The following POLN variants were observed in gnomAD, a reference collection of about 807,000 sequenced individuals.
POLN encodes the protein DNA polymerase nu.
A neutral mutation model predicts 113.5 loss-of-function variants in POLN; 108 were observed. The ratio of observed to expected loss-of-function variants is 0.95; its 90% confidence interval spans 0.81 to 1.12. POLN has a LOEUF of 1.12. POLN is among the 50% of genes most tolerant of loss of function. The pLI, the probability that POLN is intolerant of heterozygous loss-of-function variation, is 0.00. For missense variants in POLN, 1,097 were observed against 1,077.1 expected (o/e 1.02, Z -0.26); for synonymous variants, 386 against 391.5 (o/e 0.99, Z 0.17).
chr4:2,182,014 A>T (rs1733155502), intron 7 of POLN, among the ~76,000 whole-genome samples: 2 of 151,998 alleles, frequency 1.3e-5, no homozygotes, highest in Non-Finnish European at 2.9e-5. Flanking sequence ...AAAAAAAAAA[A>T]GATGACTTTA....
chr4:2,073,530 G>C (rs1381156787), intron 24 of POLN, among the ~76,000 whole-genome samples: 1 of 152,206 alleles, frequency 6.6e-6, no homozygotes, highest in African/African-American at 2.4e-5. Context: ...GGCAACAGTG[G>C]CTTTGTGCCA....
chr4:2,176,393 C>A (rs754925845), intron 8 of POLN, 59 bp from the exon 9 acceptor site: 13 of 1,268,514 alleles, frequency 1.0e-5, no homozygotes, highest in Admixed American at 4.7e-5. Flanking sequence ...GTGCTCACCA[C>A]AGTCTGTAAC....
chr4:2,208,605 A>C, intron 4 of POLN, 118 bp from the exon 5 acceptor site: 2 of 803,144 alleles, frequency 2.5e-6, no homozygotes, highest in Non-Finnish European at 3.7e-6. Context: ...TCTTCATATT[A>C]CCTATGATCA....
intron 3 of POLN, among the ~76,000 whole-genome samples, chr4:2,223,907 T>C (rs375451482): frequency 6.6e-6 from 1 of 152,230 alleles, no homozygotes; most frequent in African/African-American, 2.4e-5. Flanking sequence ...TGTACACTGA[T>C]GTAGACTTCA....
At chr4:2,241,460 C>G in intron 2 of POLN, 60 bp downstream of exon 2, 2 of 979,698 alleles carry the variant, frequency 2.0e-6, no homozygotes, top group Non-Finnish European at 2.4e-6. Context: ...CCCTGCCCTC[C>G]GTACGTAAGA....
intron 20 of POLN, among the ~76,000 whole-genome samples, chr4:2,086,316 T>G (rs575311930): frequency 1.3e-4 from 20 of 152,198 alleles, no homozygotes; most frequent in Admixed American, 1.2e-3. Context: ...TTCTATTTAT[T>G]AACAAGAAAA....
At chr4:2,181,384 G>C (rs1283739679) in intron 7 of POLN, among the ~76,000 whole-genome samples, 2 of 152,004 alleles carry the variant, frequency 1.3e-5, no homozygotes, top group Non-Finnish European at 2.9e-5. Flanking sequence ...GACCTCAGTT[G>C]ATCTGCCCAC....
chr4:2,196,597 G>A (rs148659883), intron 6 of POLN, among the ~76,000 whole-genome samples: 149 of 149,966 alleles, frequency 9.9e-4, no homozygotes, highest in African/African-American at 3.5e-3. Context: ...TTTGGACTGC[G>A]TACACAACTT....
At chr4:2,178,956 G>A (rs1230316402) in intron 8 of POLN, among the ~76,000 whole-genome samples, 2 of 152,102 alleles carry the variant, frequency 1.3e-5, no homozygotes, top group African/African-American at 4.8e-5. Flanking sequence ...ACAGACTGAA[G>A]AGTAGCCATC....
rs1017072593 is a variant in POLN, at chr4:2,080,551, C to T, written c.2387+407G>A. The T allele has an allele frequency of 1.8e-4, 211 of 1,160,282 alleles. No individual in the cohort carries two copies. The Admixed American group carries it at 7.6e-3, about 42-fold the overall frequency. The allele number at this position is 1,160,282 out of a possible 1,614,324, so 71.9% of individuals were successfully genotyped here. On this transcript the variant is annotated intron_variant, in intron 23 of 25. Coordinates refer to ENST00000511885, the MANE Select transcript of POLN (RefSeq NM_181808.4). ...AGGTAGGGGTGGGGGCAGAGCTGGG[C>T]GTGGGGCACACTGCCTGGCATTGGT...
At chr4:2,183,001 G>C (rs1733181947) in intron 7 of POLN, among the ~76,000 whole-genome samples, 1 of 152,044 alleles carries the variant, frequency 6.6e-6, no homozygotes, top group Non-Finnish European at 1.5e-5. Context: ...CAAAATATTT[G>C]AACAGACATT....
intron 8 of POLN, among the ~76,000 whole-genome samples, chr4:2,178,956 G>C (rs1230316402): frequency 1.3e-5 from 2 of 152,102 alleles, no homozygotes; most frequent in Non-Finnish European, 2.9e-5. Context: ...ACAGACTGAA[G>C]AGTAGCCATC....
At position 2,098,862 on chromosome 4, in the gene POLN, T is replaced by G. The variant is rs142377680; in HGVS notation, c.1983-2929A>C. Reference sequence around the variant, plus strand: ...ACATACAAGATGAACCTGGAATATCTTTTAGTGCCAGAAAGCAAGGAAGTG... The same window carrying G: ...ACATACAAGATGAACCTGGAATATCGTTTAGTGCCAGAAAGCAAGGAAGTG... On this transcript the variant is annotated intron_variant, in intron 19 of 25. Coordinates refer to ENST00000511885, the MANE Select transcript of POLN (RefSeq NM_181808.4). Among the ~76,000 whole-genome samples, 5 of 152,316 alleles carry G rather than the reference T, an allele frequency of 3.3e-5. No homozygotes were observed. In the East Asian group the frequency reaches 9.7e-4, roughly 29 times the overall value.
At chr4:2,207,604 T>C (rs1304277805) in intron 5 of POLN, among the ~76,000 whole-genome samples, 1 of 152,062 alleles carries the variant, frequency 6.6e-6, no homozygotes, top group African/African-American at 2.4e-5. Flanking sequence ...AAAGAAGATA[T>C]ATGAATGGCC....
rs761738698 is a variant in POLN at position 2,174,742 on chromosome 4, A to C, written c.1258T>G (p.Leu420Val). The change falls in exon 10 of 26, where the codon TTA becomes GTA. Residue 420 changes from leucine (L) to valine (V), a missense_variant. By Grantham distance (32) the Leu-to-Val change is conservative (BLOSUM62 1). Coordinates refer to ENST00000511885, the MANE Select transcript of POLN (RefSeq NM_181808.4). Reference protein sequence around the residue: ...DLCSKLKDYGLWQLFRTLELP... With the variant: ...DLCSKLKDYGVWQLFRTLELP... ...TCCAAAGTACGAAATAGTTGCCATAAACCATAATCCTGTTTAATAGGAAGA... is the reference window on the plus strand; with the variant it reads ...TCCAAAGTACGAAATAGTTGCCATACACCATAATCCTGTTTAATAGGAAGA... The C allele has an allele frequency of 6.2e-7, 1 of 1,603,140 alleles. No individual in the cohort carries two copies. The highest frequency in any genetic ancestry group is 8.5e-7 in the Non-Finnish European group (1 of 1,170,546).
In POLN at chr4:2,149,628, A is replaced by G. The variant is rs575842778; in HGVS notation, c.1731+7160T>C. On this transcript the variant is annotated intron_variant, in intron 16 of 25. Transcript: ENST00000511885. Reference sequence around the variant, plus strand: ...ATAGCAAGACCCATCTCTAAAAAAAATTAAGAAGTTAGCCAGGCACAGTGG... The same window carrying G: ...ATAGCAAGACCCATCTCTAAAAAAAGTTAAGAAGTTAGCCAGGCACAGTGG... Among the ~76,000 whole-genome samples, 17 of 152,302 alleles carry G rather than the reference A, an allele frequency of 1.1e-4. No homozygotes were observed. The South Asian group carries it at 3.3e-3, about 30-fold the overall frequency.
intron 16 of POLN, among the ~76,000 whole-genome samples, chr4:2,152,340 ATT>A (rs75242681): frequency 4.4e-4 from 57 of 129,406 alleles, no homozygotes; most frequent in East Asian, 6.8e-4. Context: ...ACCTGGCCTG[ATT>A]TTTTTTTTTT....
intron 13 of POLN, among the ~76,000 whole-genome samples, chr4:2,170,440 A>C (rs1183977384): frequency 6.6e-6 from 1 of 152,204 alleles, no homozygotes; most frequent in Non-Finnish European, 1.5e-5. Context: ...AACTCCACCA[A>C]ATTATGCTTT....
intron 4 of POLN, among the ~76,000 whole-genome samples, chr4:2,208,746 T>C (rs556834381): frequency 3.3e-5 from 5 of 152,232 alleles, no homozygotes; most frequent in African/African-American, 9.6e-5. Flanking sequence ...TCCCAGCACT[T>C]TGGGAGGCCG....
Sources: allele counts gnomAD v4.1 joint callset (sites outside exome capture counted in the v4.1 genomes callset), GRCh38; gene constraint gnomAD v4.1.1; transcripts MANE v1.5; gene names NCBI Gene and HGNC (gene_info 2026-07-23, HGNC 2026-07-21).